The following CLYBL variants were observed in gnomAD, a reference collection of about 807,000 sequenced individuals.
CLYBL encodes citramalyl-CoA lyase.
CLYBL carries 31 observed loss-of-function variants against 38.9 expected under a neutral mutation model. The ratio of observed to expected loss-of-function variants is 0.80; its 90% confidence interval spans 0.60 to 1.08. CLYBL has a LOEUF of 1.08. Among genes scored for constraint, CLYBL ranks in the 50% least tolerant of loss-of-function variants. CLYBL has a pLI of 0.00. For synonymous variants in CLYBL, 171 were observed against 158.6 expected (o/e 1.08, Z -0.59); for missense variants, 434 against 411.6 (o/e 1.05, Z -0.47).
chr13:99,715,314 G>A (rs2048295504), intron 1 of CLYBL, among the ~76,000 whole-genome samples: 1 of 152,128 alleles, frequency 6.6e-6, no homozygotes, highest in Non-Finnish European at 1.5e-5. Context: ...AGCTTTTTGG[G>A]GTTCCATTTC....
At chr13:99,890,259 C>CT (rs564750985) in intron 7 of CLYBL, among the ~76,000 whole-genome samples, 1,609 of 151,770 alleles carry the variant, frequency 0.011, 24 homozygotes, top group African/African-American at 0.037. Context: ...AAGATCACTT[C>CT]TTTTTTTTTC....
At chr13:99,904,620 A>G (rs1438857190) in intron 8 of CLYBL, among the ~76,000 whole-genome samples, 1 of 152,182 alleles carries the variant, frequency 6.6e-6, no homozygotes, top group Non-Finnish European at 1.5e-5. Context: ...GTCACCTAAA[A>G]GAAATGTGTG....
chr13:99,883,249 A>C (rs965312230), intron 7 of CLYBL, among the ~76,000 whole-genome samples: 1 of 152,248 alleles, frequency 6.6e-6, no homozygotes, highest in African/African-American at 2.4e-5. Context: ...GACCGGGCGC[A>C]GTGGCTTACC....
rs1460950855 is a variant in CLYBL at position 99,865,053 on chromosome 13, G to C, written c.634+142G>C. 2.8e-6 allele frequency: 2 copies of C among 702,278 alleles called. No homozygotes were observed. The highest frequency in any genetic ancestry group is 3.0e-5 in the South Asian group (2 of 67,516). The allele number at this position is 702,278 out of a possible 1,614,324, so 43.5% of individuals were successfully genotyped here. ...ATGACAATGGTTTTTCATGACAATG[G>C]AATGGACACTACTTCCTGATAATTT... On this transcript the variant is annotated intron_variant, in intron 5 of 8. Coordinates refer to ENST00000339105, the MANE Select transcript of CLYBL (RefSeq NM_206808.5). The surrounding 1 kb of genome is among the most constrained non-coding windows in gnomAD (Gnocchi z 4.7).
chr13:99,879,896 T>C, intron 7 of CLYBL, among the ~76,000 whole-genome samples: 1 of 151,968 alleles, frequency 6.6e-6, no homozygotes, highest in Non-Finnish European at 1.5e-5. Flanking sequence ...GCCGTGGTCA[T>C]GGGGCTGGTA....
chr13:99,673,553 T>C (rs2047598925), intron 1 of CLYBL, among the ~76,000 whole-genome samples: 1 of 152,170 alleles, frequency 6.6e-6, no homozygotes, highest in Non-Finnish European at 1.5e-5. Flanking sequence ...GGACTTAGCC[T>C]TGAATACTTT....
At chr13:99,873,378 C>T (rs926548201) in intron 7 of CLYBL, among the ~76,000 whole-genome samples, 2 of 152,174 alleles carry the variant, frequency 1.3e-5, no homozygotes, top group African/African-American at 4.8e-5. Flanking sequence ...AACATCTAGT[C>T]TGTTTTATGT....
chr13:99,731,828 A>G (rs2048596675), intron 1 of CLYBL, among the ~76,000 whole-genome samples: 2 of 152,208 alleles, frequency 1.3e-5, no homozygotes, highest in South Asian at 4.1e-4. Flanking sequence ...AGTAAACTGA[A>G]TAACATACTC....
intron 2 of CLYBL, 38 bp from the exon 3 acceptor site, chr13:99,858,823 A>C (rs372790768): frequency 2.3e-4 from 345 of 1,486,240 alleles, no homozygotes; most frequent in Non-Finnish European, 2.2e-4. Context: ...CCCCTCAATG[A>C]TAAAAATAAA....
chr13:99,617,382 T>G lies in CLYBL; in HGVS notation c.62+10625T>G, dbSNP rs148429798. On this transcript the variant is annotated intron_variant, in intron 1 of 8. Transcript: ENST00000339105. ...ATTGCACACATATACTTTGTACCACTTTGGAAGTAGTGCAGGCTTGTTTGA... is the reference window on the plus strand; with the variant it reads ...ATTGCACACATATACTTTGTACCACGTTGGAAGTAGTGCAGGCTTGTTTGA... Among the ~76,000 whole-genome samples the G allele has an allele frequency of 2.6e-5, 4 of 152,342 alleles. No homozygotes were observed. The East Asian group carries it at 7.7e-4, about 29-fold the overall frequency.
At chr13:99,891,247 C>G in intron 7 of CLYBL, 71 bp from the exon 8 acceptor site, 1 of 1,111,748 alleles carries the variant, frequency 9.0e-7, no homozygotes, top group Non-Finnish European at 1.4e-6. Context: ...TCTTGTTGCA[C>G]AAGTGTGCAC....
rs547977238 is a variant in CLYBL, at chr13:99,759,901, G to A, written c.63-12923G>A. Among the ~76,000 whole-genome samples the A allele has an allele frequency of 2.0e-5, 3 of 152,314 alleles. No homozygotes were observed. In the South Asian group the frequency reaches 6.2e-4, roughly 32 times the overall value. Reference sequence around the variant, plus strand: ...AATATCAGCAATTTCATATAGTTCAGCTTAATACATTCCACTATTTTTGCT... The same window carrying A: ...AATATCAGCAATTTCATATAGTTCAACTTAATACATTCCACTATTTTTGCT... On this transcript the variant is annotated intron_variant, in intron 1 of 8. Transcript: ENST00000339105.
chr13:99,683,229 C>A (rs1275747023), intron 1 of CLYBL, among the ~76,000 whole-genome samples: 1 of 150,094 alleles, frequency 6.7e-6, no homozygotes, highest in Non-Finnish European at 1.5e-5. Flanking sequence ...TTGCAGGTGC[C>A]CCCCCCTACA....
intron 1 of CLYBL, among the ~76,000 whole-genome samples, chr13:99,716,395 C>CTTTTCTT (rs1555293181): frequency 2.2e-5 from 3 of 135,252 alleles, no homozygotes; most frequent in Non-Finnish European, 3.2e-5. Context: ...CTTTTCTTTT[C>CTTTTCTT]TTTTTTTTTT....
intron 1 of CLYBL, among the ~76,000 whole-genome samples, chr13:99,699,245 T>C (rs1051549987): frequency 2.0e-5 from 3 of 151,432 alleles, no homozygotes; most frequent in Admixed American, 6.6e-5. Flanking sequence ...ATTAGCTGGG[T>C]GTGGTGGTGG....
intron 1 of CLYBL, among the ~76,000 whole-genome samples, chr13:99,762,124 AT>A (rs972530956): frequency 6.6e-6 from 1 of 151,752 alleles, no homozygotes; most frequent in East Asian, 1.9e-4. Flanking sequence ...TTGTCTCATC[AT>A]TTTTTTTATT....
chr13:99,872,900 T>G (rs2057487), intron 7 of CLYBL, among the ~76,000 whole-genome samples: 57,241 of 151,640 alleles, frequency 0.38, 13,376 homozygotes, highest in African/African-American at 0.66. Flanking sequence ...TCCCAAAGTT[T>G]TCACACCTTT....
intron 2 of CLYBL, among the ~76,000 whole-genome samples, chr13:99,817,654 CAA>C (rs1189248896): frequency 1.2e-4 from 6 of 49,082 alleles, no homozygotes; most frequent in East Asian, 8.5e-4. Flanking sequence ...GACTCTGTCT[CAA>C]AAAAAAAAAA....
intron 1 of CLYBL, among the ~76,000 whole-genome samples, chr13:99,697,099 A>C (rs2047991381): frequency 1.3e-5 from 2 of 152,066 alleles, no homozygotes; most frequent in African/African-American, 4.8e-5. Flanking sequence ...GTCTTAGTTG[A>C]TATTTGGGGT....
Sources: gnomAD v4.1 joint callset for allele counts (sites outside exome capture counted in the v4.1 genomes callset) on GRCh38, gnomAD v4.1.1 for gene constraint, Gnocchi (gnomAD v3.1) non-coding constraint, MANE v1.5 for transcripts, NCBI Gene and HGNC (gene_info 2026-07-23, HGNC 2026-07-21) for gene names.